Variants in GRM8 observed in about 807,000 individuals in gnomAD.
GRM8 encodes metabotropic glutamate receptor 8.
In GRM8, 47 loss-of-function variants were observed where a neutral mutation model predicts 87.2. That is an observed-to-expected ratio of 0.54 (90% CI 0.43 to 0.69). The LOEUF is 0.69. Among genes scored for constraint, GRM8 ranks in the 30% least tolerant of loss-of-function variants. The pLI is 0.00. For missense variants in GRM8, 1,019 were observed against 1,139.2 expected (o/e 0.89, Z 1.52); for synonymous variants, 396 against 404.5 (o/e 0.98, Z 0.25).
intron 2 of GRM8, among the ~76,000 whole-genome samples, chr7:127,237,786 T>C (rs1563600939): frequency 6.6e-6 from 1 of 152,238 alleles, no homozygotes; most frequent in Non-Finnish European, 1.5e-5. Context: ...AGGAATTATA[T>C]TTGACAGTGT....
intron 8 of GRM8, among the ~76,000 whole-genome samples, chr7:126,585,041 C>T (rs1795968210): frequency 6.6e-6 from 1 of 152,136 alleles, no homozygotes; most frequent in South Asian, 2.1e-4. Context: ...AATTCTTAAA[C>T]ACTGTGAATT....
chr7:127,010,985 CAA>C (rs201463771), intron 3 of GRM8, among the ~76,000 whole-genome samples: 1,703 of 152,052 alleles, frequency 0.011, 29 homozygotes, highest in African/African-American at 0.038. Context: ...GTCCTGAACT[CAA>C]AGAGATTACC....
At chr7:126,553,188 TAGAG>T (rs1354047613) in intron 8 of GRM8, among the ~76,000 whole-genome samples, 1 of 152,162 alleles carries the variant, frequency 6.6e-6, no homozygotes, top group East Asian at 1.9e-4. Context: ...TTAAATTGGA[TAGAG>T]ATTCTATTTT....
At chr7:126,581,599 C>T (rs1016176929) in intron 8 of GRM8, among the ~76,000 whole-genome samples, 4 of 152,044 alleles carry the variant, frequency 2.6e-5, no homozygotes, top group Admixed American at 2.6e-4. Context: ...AATAAAAGGG[C>T]AATACAGGTA....
intron 2 of GRM8, among the ~76,000 whole-genome samples, chr7:127,170,680 G>A (rs2116318588): frequency 6.6e-6 from 1 of 152,220 alleles, no homozygotes; most frequent in East Asian, 1.9e-4. Flanking sequence ...AGAAAATAAT[G>A]GCATTTGGAC....
chr7:126,691,671 G>C (rs894167521), intron 7 of GRM8, among the ~76,000 whole-genome samples: 3 of 152,188 alleles, frequency 2.0e-5, no homozygotes, highest in Admixed American at 2.0e-4. Context: ...TTGGAGGAAT[G>C]AGAGTCTGTT....
intron 2 of GRM8, among the ~76,000 whole-genome samples, chr7:127,198,126 A>G (rs142988489): frequency 2.1e-4 from 32 of 152,306 alleles, no homozygotes; most frequent in Admixed American, 1.8e-3. Flanking sequence ...AATACATGTG[A>G]TATTTTGATA....
intron 6 of GRM8, among the ~76,000 whole-genome samples, chr7:126,894,275 C>T (rs1299692997): frequency 6.6e-6 from 1 of 152,040 alleles, no homozygotes; most frequent in East Asian, 1.9e-4. Context: ...CCAAGCCTTA[C>T]CATAGTTTTT....
rs75704066 is a variant in GRM8, at chr7:126,702,302, G to A, written c.1357+67563C>T. ...ATAGGATTTCATGGGATGGACAGGT[G>A]TAATGAGGGGAGGCCTTCTGGCAGA... On this transcript the variant is annotated intron_variant, in intron 7 of 10. Coordinates refer to ENST00000339582, the MANE Select transcript of GRM8 (RefSeq NM_000845.3). 2.9e-3 allele frequency among the ~76,000 whole-genome samples: 436 copies of A among 152,296 alleles called. 1 individual carries two copies. Among genetic ancestry groups the A allele is most frequent in the African/African-American group, 8.0e-3 (332 of 41,580 alleles).
chr7:127,184,302 C>T (rs930314389), intron 2 of GRM8, among the ~76,000 whole-genome samples: 4 of 151,740 alleles, frequency 2.6e-5, no homozygotes, highest in South Asian at 2.1e-4. Context: ...AATTATACAT[C>T]ATGACCAAGT....
intron 3 of GRM8, among the ~76,000 whole-genome samples, chr7:127,100,519 C>T (rs1284863869): frequency 6.6e-6 from 1 of 152,156 alleles, no homozygotes; most frequent in Non-Finnish European, 1.5e-5. Flanking sequence ...CAAAGATATA[C>T]CCAAGACTGA....
At chr7:126,518,770 T>C (rs2299452) in intron 9 of GRM8, among the ~76,000 whole-genome samples, 46,125 of 151,968 alleles carry the variant, frequency 0.3, 7,653 homozygotes, top group South Asian at 0.41. Flanking sequence ...CTCTGAGTAG[T>C]TGACCATTTC....
chr7:127,070,464 G>T (rs1821566863), intron 3 of GRM8, among the ~76,000 whole-genome samples: 1 of 152,042 alleles, frequency 6.6e-6, no homozygotes, highest in African/African-American at 2.4e-5. Context: ...CAGTAAAAAT[G>T]ACAGAAATTG....
At chr7:126,727,819 G>C (rs1319895887) in intron 7 of GRM8, among the ~76,000 whole-genome samples, 1 of 151,798 alleles carries the variant, frequency 6.6e-6, no homozygotes, top group Admixed American at 6.6e-5. Flanking sequence ...CAACCTTTAA[G>C]ACATAATAGA....
chr7:127,214,699 C>A (rs1477286031), intron 2 of GRM8, among the ~76,000 whole-genome samples: 6 of 152,110 alleles, frequency 3.9e-5, no homozygotes, highest in African/African-American at 1.4e-4. Flanking sequence ...GAAAATCTGC[C>A]CCCATGATCC....
At chr7:126,470,506 C>A (rs1014207329) in intron 9 of GRM8, among the ~76,000 whole-genome samples, 2 of 152,002 alleles carry the variant, frequency 1.3e-5, no homozygotes, top group South Asian at 2.1e-4. Flanking sequence ...CATTTCCCTA[C>A]AAAGGACATG....
intron 3 of GRM8, among the ~76,000 whole-genome samples, chr7:126,972,903 A>C (rs1810575149): frequency 1.3e-5 from 2 of 152,226 alleles, no homozygotes; most frequent in South Asian, 4.1e-4. Flanking sequence ...TGGGAACTAT[A>C]ATTAAAGCAC....
At chr7:126,468,496 C>A (rs1804765127) in intron 9 of GRM8, among the ~76,000 whole-genome samples, 1 of 152,070 alleles carries the variant, frequency 6.6e-6, no homozygotes, top group Non-Finnish European at 1.5e-5. Flanking sequence ...AAGCCTATTT[C>A]TTCTCTTACC....
intron 8 of GRM8, among the ~76,000 whole-genome samples, chr7:126,579,885 C>T (rs768368666): frequency 4.6e-5 from 7 of 151,888 alleles, no homozygotes; most frequent in Non-Finnish European, 1.0e-4. Context: ...AATGATATAT[C>T]TCCCTTAAAA....
Sources: allele counts gnomAD v4.1 joint callset (sites outside exome capture counted in the v4.1 genomes callset), GRCh38; gene constraint gnomAD v4.1.1; transcripts MANE v1.5; gene names NCBI Gene and HGNC (gene_info 2026-07-23, HGNC 2026-07-21).